The following WNK1 variants were observed in gnomAD, a reference collection of about 807,000 sequenced individuals.
WNK1 encodes serine/threonine-protein kinase WNK1.
WNK1 carries 38 observed loss-of-function variants against 222.8 expected under a neutral mutation model. That is an observed-to-expected ratio of 0.17 (90% CI 0.13 to 0.22). The LOEUF (loss-of-function observed/expected upper bound fraction) is 0.22, where lower values mean the gene tolerates loss of function less well. WNK1 is among the 10% of genes least tolerant of loss of function. WNK1 has a pLI of 1.00. For missense variants in WNK1, 2,348 were observed against 2,918.4 expected (o/e 0.80, Z 4.50); for synonymous variants, 1,090 against 1,092.9 (o/e 1.00, Z 0.05).
chr12:865,160 G>A (rs11611231), intron 8 of WNK1: 13 of 1,531,698 alleles, frequency 8.5e-6, no homozygotes, highest in South Asian at 2.4e-5. Context: ...TTCTGCTGTT[G>A]CCTCTGTGTC....
At chr12:852,429 C>A (rs72648659) in intron 4 of WNK1, among the ~76,000 whole-genome samples, 2,299 of 152,234 alleles carry the variant, frequency 0.015, 58 homozygotes, top group African/African-American at 0.052. Context: ...AAATAAGCTA[C>A]TGTCCCATGT....
At chr12:807,860 C>T (rs1946522746) in intron 1 of WNK1, among the ~76,000 whole-genome samples, 1 of 151,794 alleles carries the variant, frequency 6.6e-6, no homozygotes, top group Admixed American at 6.6e-5. Flanking sequence ...GCTGGGACTA[C>T]AGGCGCGCGC....
chr12:856,795 T>C (rs1303599364), intron 4 of WNK1, among the ~76,000 whole-genome samples: 1 of 152,358 alleles, frequency 6.6e-6, no homozygotes, highest in Non-Finnish European at 1.5e-5. Flanking sequence ...AAATGCTGTA[T>C]TGATTTATGT....
chr12:759,284 T>G (rs1236351070), intron 1 of WNK1, among the ~76,000 whole-genome samples: 1 of 147,338 alleles, frequency 6.8e-6, no homozygotes, highest in Non-Finnish European at 1.5e-5. Flanking sequence ...TTAAATTATA[T>G]TGATAATTTA....
At chr12:782,619 C>T (rs1943830834) in intron 1 of WNK1, among the ~76,000 whole-genome samples, 1 of 152,086 alleles carries the variant, frequency 6.6e-6, no homozygotes, top group Non-Finnish European at 1.5e-5. Context: ...ATTCTCCTGC[C>T]TTGGCCTTCC....
At chr12:847,727 A>G (rs933103792) in intron 4 of WNK1, among the ~76,000 whole-genome samples, 1 of 151,596 alleles carries the variant, frequency 6.6e-6, no homozygotes, top group African/African-American at 2.4e-5. Flanking sequence ...CAGTGTATCT[A>G]GCAGATTGCC....
intron 1 of WNK1, among the ~76,000 whole-genome samples, chr12:802,132 A>G (rs982639505): frequency 3.3e-5 from 5 of 152,232 alleles, no homozygotes; most frequent in African/African-American, 9.6e-5. Context: ...AATATGGTAC[A>G]TATACTTCTA....
intron 4 of WNK1, among the ~76,000 whole-genome samples, chr12:832,586 T>G (rs1408054351): frequency 6.6e-6 from 1 of 152,264 alleles, no homozygotes; most frequent in Non-Finnish European, 1.5e-5. Flanking sequence ...ATATGAAGTT[T>G]GAGGTTTCAT....
Position 882,793 on chromosome 12 carries a change from T to G in WNK1, c.3373-150T>G, listed in dbSNP as rs1953293943. 2.5e-5 allele frequency: 16 copies of G among 649,932 alleles called. No homozygotes were observed. The South Asian group carries it at 2.9e-4, about 12-fold the overall frequency. The allele number at this position is 649,932 out of a possible 1,614,324, so 40.3% of individuals were successfully genotyped here. ...TCAAAGATTTTTCTTGCTACCAGTT[T>G]AAGAGACAAAGTACTAGTGCTCCAA... is the stretch of plus-strand genomic sequence containing the variant. On this transcript the variant is annotated intron_variant, in intron 14 of 27. Coordinates refer to ENST00000315939, the MANE Select transcript of WNK1 (RefSeq NM_018979.4).
intron 4 of WNK1, among the ~76,000 whole-genome samples, chr12:850,766 C>A (rs1252178879): frequency 2.0e-5 from 3 of 152,164 alleles, no homozygotes; most frequent in African/African-American, 7.2e-5. Flanking sequence ...AGGAAGGGAT[C>A]CAGTTTCAGC....
intron 2 of WNK1, among the ~76,000 whole-genome samples, chr12:817,474 A>AG (rs1360923635): frequency 1.8e-4 from 28 of 152,364 alleles, no homozygotes; most frequent in African/African-American, 6.7e-4. Flanking sequence ...ATGGATAACT[A>AG]GGACCATTGG....
rs1592198441 is a variant in WNK1 at position 890,315 on chromosome 12, A to G, written c.5449-138A>G. On this transcript the variant is annotated intron_variant, in intron 21 of 27. Transcript: ENST00000315939. ...TTAAAAGAAAAAGGAAAGAAGATAA[A>G]ATGTTCTCAGACATAAGTGTTTCAT... 8.9e-6 allele frequency: 8 copies of G among 897,008 alleles called. No individual in the cohort carries two copies. In the East Asian group the frequency reaches 1.8e-4, roughly 20 times the overall value. The allele number at this position is 897,008 out of a possible 1,614,324, so 55.6% of individuals were successfully genotyped here.
intron 10 of WNK1, 93 bp from the exon 11 acceptor site, chr12:879,478 TGG>T: frequency 3.8e-6 from 3 of 781,972 alleles, no homozygotes; most frequent in South Asian, 1.9e-5. Flanking sequence ...TCCTTCTTTT[TGG>T]CTAATACATA....
Position 884,377 on chromosome 12 carries a change from C to G in WNK1, c.3844+134C>G. On this transcript the variant is annotated intron_variant, in intron 18 of 27. Transcript: ENST00000315939. The surrounding 1 kb of genome is among the most constrained non-coding windows in gnomAD (Gnocchi z 5.6). The stretch of plus-strand genomic sequence containing the variant: ...AATAGAAAACTGAAGTTATAACCAA[C>G]AGATAAACATATGGGAGAGGGAAAT... 1 of 1,375,496 alleles carries G rather than the reference C, an allele frequency of 7.3e-7. No individual in the cohort carries two copies. The highest frequency in any genetic ancestry group is 1.2e-5 in the South Asian group (1 of 81,068). The allele number at this position is 1,375,496 out of a possible 1,614,324, so 85.2% of individuals were successfully genotyped here. A position where few individuals can be genotyped will look rare whatever the true frequency, so the allele number is the denominator to read the frequency against.
chr12:900,107 T>C (rs140944366), intron 25 of WNK1, among the ~76,000 whole-genome samples: 63 of 142,270 alleles, frequency 4.4e-4, no homozygotes, highest in African/African-American at 1.5e-3. Flanking sequence ...TTCCTCAGCC[T>C]CCTGAGTAGC....
intron 8 of WNK1, among the ~76,000 whole-genome samples, chr12:864,642 G>T (rs1253520634): frequency 6.6e-6 from 1 of 152,108 alleles, no homozygotes; most frequent in African/African-American, 2.4e-5. Flanking sequence ...ATCTTTTTCT[G>T]AGGTTTCCAG....
At chr12:835,180 G>T (rs1194678587) in intron 4 of WNK1, among the ~76,000 whole-genome samples, 1 of 152,088 alleles carries the variant, frequency 6.6e-6, no homozygotes, top group Non-Finnish European at 1.5e-5. Context: ...TTAGTTGGCC[G>T]TGGTGGTGCA....
chr12:774,456 A>G (rs564859688), intron 1 of WNK1, among the ~76,000 whole-genome samples: 1 of 152,304 alleles, frequency 6.6e-6, no homozygotes, highest in East Asian at 1.9e-4. Context: ...TGCTGGTTCT[A>G]AAATAACAGT....
At chr12:813,575 A>G in intron 1 of WNK1, 67 bp from the exon 2 acceptor site, 1 of 1,533,982 alleles carries the variant, frequency 6.5e-7, no homozygotes, top group Non-Finnish European at 9.0e-7. Context: ...TTAAGTGTCT[A>G]AGATTAACTG....
Sources: allele counts gnomAD v4.1 joint callset (sites outside exome capture counted in the v4.1 genomes callset), GRCh38; gene constraint gnomAD v4.1.1; non-coding constraint Gnocchi (gnomAD v3.1); transcripts MANE v1.5; gene names NCBI Gene and HGNC (gene_info 2026-07-23, HGNC 2026-07-21).